SLC12A4: variants seen among roughly 807,000 people sequenced by gnomAD.
SLC12A4 encodes solute carrier family 12 member 4, also known as electroneutral potassium-chloride cotransporter 1.
Under a neutral mutation model 119.2 loss-of-function variants are expected in SLC12A4, and 84 were observed. The ratio of observed to expected loss-of-function variants is 0.70; its 90% CI spans 0.59 to 0.85. SLC12A4 has a LOEUF of 0.85. Ranked by LOEUF, SLC12A4 falls within the 40% of genes least tolerant of loss-of-function variation. The pLI, the probability that SLC12A4 is intolerant of heterozygous loss-of-function variation, is 0.00. For missense variants in SLC12A4, 1,298 were observed against 1,476.3 expected (o/e 0.88, Z 1.98); for synonymous variants, 599 against 604.6 (o/e 0.99, Z 0.14).
intron 1 of SLC12A4, among the ~76,000 whole-genome samples, chr16:67,964,990 T>A (rs2030799609): frequency 6.6e-6 from 1 of 152,134 alleles, no homozygotes; most frequent in Non-Finnish European, 1.5e-5. Flanking sequence ...CCACAGCATG[T>A]GAAAGTGGCA....
chr16:67,950,403 C>G lies in SLC12A4; in HGVS notation c.1545G>C (p.Thr515=), dbSNP rs146678704. ...WVIVIGSFFS[T]CGAGLQSLTG... ...TGAGGCTCTGGAGGCCAGCGCCACA[C>G]GTTGAAAAGAAGGAGCCGATGACGA... The change falls in exon 12 of 24, where the codon ACG becomes ACC. Residue 515 remains threonine, a synonymous_variant. Coordinates refer to ENST00000316341, the MANE Select transcript of SLC12A4 (RefSeq NM_005072.5). The surrounding 1 kb of genome is among the most constrained non-coding windows in gnomAD (Gnocchi z 4.3). 1 of 1,614,004 alleles carries G rather than the reference C, an allele frequency of 6.2e-7. No homozygotes were observed. Among genetic ancestry groups the G allele is most frequent in the African/African-American group, 1.3e-5 (1 of 75,064 alleles).
At position 67,950,477 on chromosome 16, in the gene SLC12A4, T is replaced by A; in HGVS notation, c.1471A>T (p.Ser491Cys). ...VLRDKYGDGV[S>C]RNLVVGTLAW... The stretch of plus-strand genomic sequence containing the variant: ...AGTGTGCCCACCACCAAGTTCCTGC[T>A]GACACCATCGCCATACCTGCAGGGG... The change falls in exon 12 of 24, where the codon AGC becomes TGC. Residue 491 changes from serine to cysteine, a missense_variant. Physicochemically the swap from Ser to Cys is moderately radical, Grantham distance 112. Coordinates refer to ENST00000316341, the MANE Select transcript of SLC12A4 (RefSeq NM_005072.5). This position sits in a 1 kb window ranked among gnomAD's most constrained non-coding sequence, Gnocchi z 4.3. The A allele has an allele frequency of 6.2e-7, 1 of 1,614,008 alleles. No homozygotes were observed. The highest frequency in any genetic ancestry group is 8.5e-7 in the Non-Finnish European group (1 of 1,180,008).
At chr16:67,960,101 C>T (rs796780019) in intron 3 of SLC12A4, among the ~76,000 whole-genome samples, 9 of 152,370 alleles carry the variant, frequency 5.9e-5, no homozygotes, top group East Asian at 3.9e-4. Flanking sequence ...AGCATCCTCA[C>T]GGGTTCCCCA....
At chr16:67,947,833 C>A in intron 14 of SLC12A4, 45 bp from the exon 15 acceptor site, 1 of 1,550,832 alleles carries the variant, frequency 6.4e-7, no homozygotes. Context: ...CCAGGAGGAC[C>A]CCTGGCCACA....
In SLC12A4 at chr16:67,968,423, C is replaced by T. The variant is rs1358386140; in HGVS notation, c.115+16G>A. On this transcript the variant is annotated intron_variant, in intron 1 of 23. Transcript: ENST00000316341. Reference sequence around the variant, plus strand: ...GCCCCGCTGCCCCGCCACGGCCCCTCAGAACGCGCCCTCACCGTCCGAGTC... The same window carrying T: ...GCCCCGCTGCCCCGCCACGGCCCCTTAGAACGCGCCCTCACCGTCCGAGTC... 1.3e-6 allele frequency: 2 copies of T among 1,559,190 alleles called. No individual in the cohort carries two copies. Among genetic ancestry groups the T allele is most frequent in the Non-Finnish European group, 1.7e-6 (2 of 1,160,318 alleles).
chr16:67,959,961 A>T (rs1431397127), intron 3 of SLC12A4, among the ~76,000 whole-genome samples: 1 of 152,156 alleles, frequency 6.6e-6, no homozygotes, highest in Non-Finnish European at 1.5e-5. Flanking sequence ...CAGATCCCTA[A>T]CTTCCTACTG....
rs1019284741 is a variant in SLC12A4 at position 67,963,490 on chromosome 16, T to C, written c.185A>G (p.Tyr62Cys). Residue 62 changes from tyrosine (Y) to cysteine (C), a missense_variant, in exon 2 of 24, where the codon TAT becomes TGT. Physicochemically the swap from Tyr to Cys is radical, Grantham distance 194. Transcript: ENST00000316341. ...PLEASRGIDY[Y>C]DRNLALFEEE... is the part of the protein sequence containing the mutation. ...CTCAAACAGTGCCAGGTTCCTGTCA[T>C]AGTAGTCAATTCCTCTGGAAGCCTC... 6.3e-7 allele frequency: 1 copy of C among 1,582,586 alleles called. No homozygotes were observed. The highest frequency in any genetic ancestry group is 2.3e-5 in the East Asian group (1 of 43,430).
At chr16:67,967,233 T>C (rs537509595) in intron 1 of SLC12A4, among the ~76,000 whole-genome samples, 2 of 152,306 alleles carry the variant, frequency 1.3e-5, no homozygotes, top group South Asian at 2.1e-4. Context: ...ATCATTCACA[T>C]TGGGCATGGA....
intron 1 of SLC12A4, chr16:67,963,818 A>G: frequency 7.1e-7 from 1 of 1,405,692 alleles, no homozygotes; most frequent in South Asian, 1.3e-5. Flanking sequence ...GCGCCCTAGC[A>G]CAAGCACGTA....
At chr16:67,947,866 C>A in intron 14 of SLC12A4, 78 bp from the exon 15 acceptor site, 1 of 1,524,996 alleles carries the variant, frequency 6.6e-7, no homozygotes, top group Non-Finnish European at 8.8e-7. Flanking sequence ...CCCTGGTAGC[C>A]CTGTCAGGTC....
At chr16:67,961,844 C>T in intron 2 of SLC12A4, 138 bp from the exon 3 acceptor site, 2 of 1,120,388 alleles carry the variant, frequency 1.8e-6, no homozygotes, top group Non-Finnish European at 2.6e-6. Flanking sequence ...CTGGGGAAGT[C>T]CAAGCCATCC....
rs1429029658 is a variant in SLC12A4, at chr16:67,944,084, G to T, written c.*756C>A. The T allele has an allele frequency of 1.9e-5, 29 of 1,547,842 alleles. No individual in the cohort carries two copies. Among genetic ancestry groups the T allele is most frequent in the Non-Finnish European group, 2.4e-5 (28 of 1,146,350 alleles). Reference sequence around the variant, plus strand: ...GCAGCAGCGTCACCCACTGCCATGGGGAGCCGGGCGGCCCCATTCCAGCCC... The same window carrying T: ...GCAGCAGCGTCACCCACTGCCATGGTGAGCCGGGCGGCCCCATTCCAGCCC... On this transcript the variant is annotated 3_prime_UTR_variant, in exon 24 of 24. Transcript: ENST00000316341. This position sits in a 1 kb window ranked among gnomAD's most constrained non-coding sequence, Gnocchi z 6.6.
Position 67,952,177 on chromosome 16 carries a change from TAC to T in SLC12A4, c.917+5_917+6del. 1 of 1,613,544 alleles carries T rather than the reference TAC, an allele frequency of 6.2e-7. No homozygotes were observed. Among genetic ancestry groups the T allele is most frequent in the Non-Finnish European group, 8.5e-7 (1 of 1,179,544 alleles). On this transcript the variant is annotated splice_donor_5th_base_variant and intron_variant, in intron 7 of 23. Coordinates refer to ENST00000316341, the MANE Select transcript of SLC12A4 (RefSeq NM_005072.5). Reference sequence around the variant, plus strand: ...GCAATGCCCAGATAAATTCCTGGGTTACTTACGGAAACACGGGAGGGTCAAAT... The same window carrying T: ...GCAATGCCCAGATAAATTCCTGGGTTTTACGGAAACACGGGAGGGTCAAAT...
Position 67,952,371 on chromosome 16 carries a change from A to C in SLC12A4, c.730T>G (p.Ser244Ala). ...IFYPSGAHDT[S>A]NATLNNMRVY... ...CGCATATTGTTCAAAGTGGCATTCG[A>C]CGTGTCATGAGCACCCGATGGGTAA... The change falls in exon 7 of 24, where the codon TCG becomes GCG. Residue 244 changes from serine (S) to alanine (A), a missense_variant. Transcript: ENST00000316341. The C allele has an allele frequency of 3.1e-6, 5 of 1,614,188 alleles. No individual in the cohort carries two copies. The highest frequency in any genetic ancestry group is 4.2e-6 in the Non-Finnish European group (5 of 1,180,012).
At chr16:67,958,078 C>T (rs750785862) in intron 3 of SLC12A4, 34 bp from the exon 4 acceptor site, 4 of 1,603,154 alleles carry the variant, frequency 2.5e-6, no homozygotes, top group Non-Finnish European at 3.4e-6. Context: ...GCGAGTAGAG[C>T]ATCAGAGGGA....
chr16:67,965,769 TC>T (rs1375330326), intron 1 of SLC12A4, among the ~76,000 whole-genome samples: 2 of 152,140 alleles, frequency 1.3e-5, no homozygotes, highest in Non-Finnish European at 2.9e-5. Context: ...CTAGGATGGC[TC>T]GGGGCCCTTC....
rs912256784 is a variant in SLC12A4, at chr16:67,944,090, G to C, written c.*750C>G. The C allele has an allele frequency of 6.5e-7, 1 of 1,547,676 alleles. No homozygotes were observed. Among genetic ancestry groups the C allele is most frequent in the Non-Finnish European group, 8.7e-7 (1 of 1,146,248 alleles). ...GCGTCACCCACTGCCATGGGGAGCC[G>C]GGCGGCCCCATTCCAGCCCTGGTGC... On this transcript the variant is annotated 3_prime_UTR_variant, in exon 24 of 24. Coordinates refer to ENST00000316341, the MANE Select transcript of SLC12A4 (RefSeq NM_005072.5). The surrounding 1 kb of genome is among the most constrained non-coding windows in gnomAD (Gnocchi z 6.6).
Position 67,951,265 on chromosome 16 carries a change from A to G in SLC12A4, c.1172T>C (p.Val391Ala), listed in dbSNP as rs1307826880. 6.2e-7 allele frequency: 1 copy of G among 1,614,056 alleles called. No homozygotes were observed. The highest frequency in any genetic ancestry group is 2.2e-5 in the East Asian group (1 of 44,876). Reference protein sequence around the residue: ...WSAYLEKGDIVEKHGLPSADA... With the variant: ...WSAYLEKGDIAEKHGLPSADA... ...TGCGGAGGGCAGCCCATGCTTCTCC[A>G]CGATGTCACCCTTCTCCAGGTAGGC... Residue 391 changes from valine to alanine, a missense_variant, in exon 9 of 24, where the codon GTG (valine) becomes GCG (alanine). Physicochemically the swap from Val to Ala is moderately conservative, Grantham distance 64. Transcript: ENST00000316341. The surrounding 1 kb of genome is among the most constrained non-coding windows in gnomAD (Gnocchi z 5.2).
intron 5 of SLC12A4, among the ~76,000 whole-genome samples, chr16:67,957,238 C>T (rs183477849): frequency 8.0e-5 from 12 of 150,338 alleles, no homozygotes; most frequent in East Asian, 2.0e-4. Context: ...GGTGCAATCT[C>T]GGCTCACCGC....
Sources: allele counts gnomAD v4.1 joint callset (sites outside exome capture counted in the v4.1 genomes callset), GRCh38; gene constraint gnomAD v4.1.1; non-coding constraint Gnocchi (gnomAD v3.1); transcripts MANE v1.5; gene names NCBI Gene and HGNC (gene_info 2026-07-23, HGNC 2026-07-21).